ERI3: variants seen among roughly 807,000 people sequenced by gnomAD.
ERI3 encodes ERI1 exoribonuclease family member 3.
Under a neutral mutation model 44.4 loss-of-function variants are expected in ERI3, and 18 were observed. The observed-to-expected ratio is 0.41, with a 90% CI of 0.28 to 0.60. ERI3 has a LOEUF of 0.60. Ranked by LOEUF, ERI3 falls within the 20% of genes least tolerant of loss-of-function variation. The pLI, the probability that ERI3 is intolerant of heterozygous loss-of-function variation, is 0.36. For synonymous variants in ERI3, 183 were observed against 164.8 expected (o/e 1.11, Z -0.84); for missense variants, 294 against 435.5 (o/e 0.68, Z 2.89).
intron 3 of ERI3, among the ~76,000 whole-genome samples, chr1:44,333,499 G>A (rs1321229827): frequency 6.6e-6 from 1 of 152,134 alleles, no homozygotes; most frequent in Non-Finnish European, 1.5e-5. Flanking sequence ...TTTCTCCAGG[G>A]AATTGCTTTT....
intron 3 of ERI3, among the ~76,000 whole-genome samples, chr1:44,320,431 A>T (rs1293098364): frequency 6.6e-6 from 1 of 152,172 alleles, no homozygotes; most frequent in Non-Finnish European, 1.5e-5. Flanking sequence ...TGTCTCTAAG[A>T]TTAATTTGTC....
intron 6 of ERI3, among the ~76,000 whole-genome samples, chr1:44,293,840 T>C (rs1277108839): frequency 6.6e-6 from 1 of 152,266 alleles, no homozygotes; most frequent in African/African-American, 2.4e-5. Context: ...GCCCTTCCCC[T>C]CCACTTCCCC....
At chr1:44,281,654 T>TATATAAAC (rs1645290023) in intron 7 of ERI3, among the ~76,000 whole-genome samples, 4 of 148,726 alleles carry the variant, frequency 2.7e-5, no homozygotes, top group South Asian at 2.1e-4. Context: ...AAGAGATATA[T>TATATAAAC]ATATGTTTAC....
intron 7 of ERI3, among the ~76,000 whole-genome samples, chr1:44,256,028 C>G (rs562772001): frequency 2.0e-5 from 3 of 152,282 alleles, no homozygotes; most frequent in African/African-American, 7.2e-5. Context: ...GCACCTGTAA[C>G]ATGGATTTTG....
At chr1:44,265,653 T>TA (rs1282425892) in intron 7 of ERI3, among the ~76,000 whole-genome samples, 2,534 of 143,302 alleles carry the variant, frequency 0.018, 44 homozygotes, top group African/African-American at 0.047. Flanking sequence ...ATGGGAGAAT[T>TA]AAAAAAAAAA....
Position 44,221,333 on chromosome 1 carries a change from G to C in ERI3, c.*225C>G, listed in dbSNP as rs1225875736. 1.8e-6 allele frequency: 1 copy of C among 557,868 alleles called. No individual in the cohort carries two copies. Among genetic ancestry groups the C allele is most frequent in the Non-Finnish European group, 3.2e-6 (1 of 311,962 alleles). The allele number at this position is 557,868 out of a possible 1,614,324, so 34.6% of individuals were successfully genotyped here. A position where few individuals can be genotyped will look rare whatever the true frequency, so the allele number is the denominator to read the frequency against. On this transcript the variant is annotated 3_prime_UTR_variant, in exon 9 of 9. Transcript: ENST00000372257. This position sits in a 1 kb window ranked among gnomAD's most constrained non-coding sequence, Gnocchi z 5.9. ...GAGGGGCTGATACTGGGCTGAGATT[G>C]AGGGGTGGGGATGGGGGGCACAAAG...
At chr1:44,344,189 G>T (rs1387499212) in intron 2 of ERI3, among the ~76,000 whole-genome samples, 1 of 151,324 alleles carries the variant, frequency 6.6e-6, no homozygotes, top group Non-Finnish European at 1.5e-5. Flanking sequence ...AGTGAACTGA[G>T]ATCACATCAC....
chr1:44,223,026 G>T (rs139801759), intron 8 of ERI3, among the ~76,000 whole-genome samples: 1 of 152,350 alleles, frequency 6.6e-6, no homozygotes, highest in African/African-American at 2.4e-5. Flanking sequence ...TAGCTCTGCA[G>T]AGCCTGCTTT....
intron 7 of ERI3, among the ~76,000 whole-genome samples, chr1:44,272,046 C>T (rs373901790): frequency 3.1e-4 from 47 of 152,274 alleles, no homozygotes; most frequent in African/African-American, 8.2e-4. Flanking sequence ...CCTCTTCTCC[C>T]GATAGCCTAG....
At chr1:44,273,210 T>A (rs1645120828) in intron 7 of ERI3, among the ~76,000 whole-genome samples, 1 of 152,302 alleles carries the variant, frequency 6.6e-6, no homozygotes. Context: ...GGGACCTGAG[T>A]CCCATAAATG....
At chr1:44,247,567 C>A (rs1644580933) in intron 8 of ERI3, among the ~76,000 whole-genome samples, 1 of 152,174 alleles carries the variant, frequency 6.6e-6, no homozygotes, top group Admixed American at 6.5e-5. Flanking sequence ...CCACAGACTT[C>A]AAACAATATT....
At chr1:44,353,354 A>G in intron 1 of ERI3, 1 of 985,464 alleles carries the variant, frequency 1.0e-6, no homozygotes, top group Non-Finnish European at 1.2e-6. Flanking sequence ...ATAGACTAGG[A>G]AACACTTTCA....
At chr1:44,339,749 G>C (rs1044763547) in intron 2 of ERI3, among the ~76,000 whole-genome samples, 1 of 152,204 alleles carries the variant, frequency 6.6e-6, no homozygotes, top group Non-Finnish European at 1.5e-5. Flanking sequence ...AAGCTAAGTA[G>C]ACTCAGACAA....
rs987310864 is a variant in ERI3, at chr1:44,241,853, G to T, written c.931+6086C>A. On this transcript the variant is annotated intron_variant, in intron 8 of 8. Transcript: ENST00000372257. This position sits in a 1 kb window ranked among gnomAD's most constrained non-coding sequence, Gnocchi z 5.6. ...ATACATACATACATACATACATACA[G>T]GAGAACCTTCTTCCATCCATCTGTC... The T allele has an allele frequency of 5.1e-6, 2 of 395,154 alleles. No individual in the cohort carries two copies. The highest frequency in any genetic ancestry group is 6.6e-6 in the Non-Finnish European group (2 of 304,652). The allele number at this position is 395,154 out of a possible 1,614,324, so 24.5% of individuals were successfully genotyped here.
At chr1:44,329,910 A>C (rs989552263) in intron 3 of ERI3, among the ~76,000 whole-genome samples, 1 of 152,198 alleles carries the variant, frequency 6.6e-6, no homozygotes, top group Non-Finnish European at 1.5e-5. Flanking sequence ...TATGAGCTAC[A>C]TAAGAACATG....
Position 44,355,200 on chromosome 1 carries a change from C to G in ERI3, c.-174G>C, listed in dbSNP as rs1241505772. On this transcript the variant is annotated 5_prime_UTR_variant, in exon 1 of 9. Transcript: ENST00000372257. ...CCAGCTCCGCCCGCTCCCCACCGCC[C>G]GTTCCCGGCCGCCTGAACAGCGGCA... 2 of 1,195,780 alleles carry G rather than the reference C, an allele frequency of 1.7e-6. No individual in the cohort carries two copies. Among genetic ancestry groups the G allele is most frequent in the Non-Finnish European group, 1.0e-6 (1 of 964,896 alleles). 74.1% of individuals were successfully genotyped at this position (1,195,780 alleles called of 1,614,324 possible). A position where few individuals can be genotyped will look rare whatever the true frequency, so the allele number is the denominator to read the frequency against.
At chr1:44,352,530 G>A (rs1170356996) in intron 2 of ERI3, among the ~76,000 whole-genome samples, 2 of 152,132 alleles carry the variant, frequency 1.3e-5, no homozygotes, top group Admixed American at 6.5e-5. Flanking sequence ...TCAGGATAAT[G>A]GGCTATTCTG....
At chr1:44,353,677 T>C (rs760115606) in intron 1 of ERI3, 2 of 985,316 alleles carry the variant, frequency 2.0e-6, no homozygotes, top group Non-Finnish European at 2.4e-6. Context: ...AAAGCACTTT[T>C]ATTTGGAAAT....
At chr1:44,276,386 CAT>C (rs1645181900) in intron 7 of ERI3, among the ~76,000 whole-genome samples, 1 of 152,250 alleles carries the variant, frequency 6.6e-6, no homozygotes, top group Non-Finnish European at 1.5e-5. Flanking sequence ...TACATTTATA[CAT>C]ATGTGTCCAT....
Sources: gnomAD v4.1 joint callset for allele counts (sites outside exome capture counted in the v4.1 genomes callset) on GRCh38, gnomAD v4.1.1 for gene constraint, Gnocchi (gnomAD v3.1) non-coding constraint, MANE v1.5 for transcripts, NCBI Gene and HGNC (gene_info 2026-07-23, HGNC 2026-07-21) for gene names.